ATP6V0B: variants seen among roughly 807,000 people sequenced by gnomAD.
The protein encoded by ATP6V0B is V-type proton ATPase 21 kDa proteolipid subunit c''.
In ATP6V0B, 4 loss-of-function variants were observed where a neutral mutation model predicts 26.2. That is an observed-to-expected ratio of 0.15 (90% confidence interval 0.08 to 0.35). The LOEUF is 0.35. ATP6V0B is among the 10% of genes least tolerant of loss of function. The pLI is 1.00. For missense variants in ATP6V0B, 175 were observed against 272.5 expected (o/e 0.64, Z 2.52); for synonymous variants, 110 against 105.8 (o/e 1.04, Z -0.24).
Position 43,976,108 on chromosome 1 carries a change from G to A in ATP6V0B, c.135G>A (p.Ser45=), listed in dbSNP as rs1379763709. 8 of 1,613,942 alleles carry A rather than the reference G, an allele frequency of 5.0e-6. No homozygotes were observed. Among genetic ancestry groups the A allele is most frequent in the African/African-American group, 4.0e-5 (3 of 74,888 alleles). ...FDVAWFLTET[S]PFMWSNLGIG... is the part of the protein sequence containing the mutation. The stretch of plus-strand genomic sequence containing the variant: ...ACAACAGGTTCCTGACGGAGACTTC[G>A]CCCTTCATGTGGTCCAACCTGGGCA... The change falls in exon 3 of 8, where the codon TCG becomes TCA. Residue 45 remains serine, a synonymous_variant. Transcript: ENST00000472174. The surrounding 1 kb of genome is among the most constrained non-coding windows in gnomAD (Gnocchi z 4.6).
chr1:43,977,677 C>T (rs2085537745), intron 7 of ATP6V0B: 1 of 1,426,822 alleles, frequency 7.0e-7, no homozygotes, highest in South Asian at 1.5e-5. Context: ...GTCTGTCTGA[C>T]AGTGTGTGAG....
At chr1:43,977,617 C>T (rs2154303022) in intron 7 of ATP6V0B, 1 of 1,419,340 alleles carries the variant, frequency 7.0e-7, no homozygotes, top group African/African-American at 1.4e-5. Context: ...GTGTATCTCC[C>T]TCTCACATGC....
intron 7 of ATP6V0B, chr1:43,977,473 C>G (rs1024391128): frequency 4.9e-6 from 7 of 1,431,524 alleles, no homozygotes; most frequent in Non-Finnish European, 6.4e-6. Context: ...ACTTAGTCCT[C>G]CCTCTTTCTG....
At chr1:43,977,304 CTACCTA>C (rs1162243817) in intron 7 of ATP6V0B, 88 bp downstream of exon 7, 1 of 1,609,764 alleles carries the variant, frequency 6.2e-7, no homozygotes, top group East Asian at 2.2e-5. Flanking sequence ...CTCTCCTTCT[CTACCTA>C]TAACTATAGA....
intron 7 of ATP6V0B, 139 bp downstream of exon 7, chr1:43,977,355 C>T (rs748726714): frequency 5.8e-5 from 90 of 1,552,144 alleles, no homozygotes; most frequent in Non-Finnish European, 7.6e-5. Context: ...TCATTTCCAT[C>T]TTCTGGTTTT....
intron 7 of ATP6V0B, chr1:43,977,749 T>G: frequency 6.9e-7 from 1 of 1,449,328 alleles, no homozygotes; most frequent in Non-Finnish European, 9.1e-7. Flanking sequence ...CTGAGTTGAT[T>G]CTTAGTGACT....
At chr1:43,975,393 C>T in intron 1 of ATP6V0B, 1 of 560,544 alleles carries the variant, frequency 1.8e-6, no homozygotes, top group Non-Finnish European at 3.2e-6. Context: ...TCCCCCCTTT[C>T]TTGCTCCTGA....
rs569887950 is a variant in ATP6V0B, at chr1:43,975,073, C to G, written c.33C>G (p.Val11=). The change falls in exon 1 of 8, where the codon GTC becomes GTG. Residue 11 remains valine (V), a synonymous_variant. Coordinates refer to ENST00000472174, the MANE Select transcript of ATP6V0B (RefSeq NM_004047.5). ...GGCTAGCACTGCTCTACTCCGGGGT[C>G]TTCGTGGCCTTCTGGGCCTGCGCGC... MTGLALLYSG[V]FVAFWACALA... The G allele has an allele frequency of 1.6e-4, 225 of 1,401,332 alleles. 4 individuals are homozygous for G. The South Asian group carries it at 3.3e-3, about 21-fold the overall frequency. The allele number at this position is 1,401,332 out of a possible 1,614,324, so 86.8% of individuals were successfully genotyped here.
intron 1 of ATP6V0B, 122 bp from the exon 2 acceptor site, chr1:43,975,678 T>TG: frequency 9.2e-7 from 1 of 1,085,466 alleles, no homozygotes; most frequent in Non-Finnish European, 1.4e-6. Context: ...TACTGTCACC[T>TG]GGGGGCAGCC....
At chr1:43,975,152 T>A in intron 1 of ATP6V0B, 45 bp downstream of exon 1, 1 of 1,406,598 alleles carries the variant, frequency 7.1e-7, no homozygotes, top group Non-Finnish European at 9.2e-7. Flanking sequence ...GCGGCCGAGC[T>A]GGCCGGGTCG....
Position 43,976,641 on chromosome 1 carries a change from C to A in ATP6V0B, c.330C>A (p.Val110=). 6.2e-7 allele frequency: 1 copy of A among 1,614,198 alleles called. No homozygotes were observed. Among genetic ancestry groups the A allele is most frequent in the South Asian group, 1.1e-5 (1 of 91,064 alleles). ...TCTACGGCATCATCATGGCAATTGTCATTAGCAACATGGCTGAGGTATGGA... is the reference window on the plus strand; with the variant it reads ...TCTACGGCATCATCATGGCAATTGTAATTAGCAACATGGCTGAGGTATGGA... The part of the protein sequence containing the change: ...VAIYGIIMAI[V]ISNMAEPFSA... The change falls in exon 5 of 8, where the codon GTC becomes GTA. Residue 110 remains valine (V), a synonymous_variant. Transcript: ENST00000472174. The surrounding 1 kb of genome is among the most constrained non-coding windows in gnomAD (Gnocchi z 4.6).
intron 1 of ATP6V0B, 79 bp downstream of exon 1, chr1:43,975,186 C>A: frequency 7.3e-7 from 1 of 1,376,868 alleles, no homozygotes; most frequent in Admixed American, 3.0e-5. Context: ...AAGTGGCCTG[C>A]GGGGAATACT....
intron 1 of ATP6V0B, 54 bp from the exon 2 acceptor site, chr1:43,975,746 A>C (rs1255921923): frequency 1.9e-6 from 3 of 1,586,076 alleles, no homozygotes; most frequent in South Asian, 2.3e-5. Context: ...TAGGTTGAAG[A>C]ACTTCTCTCT....
At chr1:43,977,904 A>G (rs528635093) in intron 7 of ATP6V0B, 77 bp from the exon 8 acceptor site, 12 of 1,613,948 alleles carry the variant, frequency 7.4e-6, no homozygotes, top group Non-Finnish European at 1.0e-5. Flanking sequence ...CATGTGCTAG[A>G]TGTCATCTTC....
In ATP6V0B at chr1:43,978,138, G is replaced by A. The variant is rs1301471634; in HGVS notation, c.*131G>A. On this transcript the variant is annotated 3_prime_UTR_variant, in exon 8 of 8. Coordinates refer to ENST00000472174, the MANE Select transcript of ATP6V0B (RefSeq NM_004047.5). Reference sequence around the variant, plus strand: ...CCTCCCTGCACTCCCCTCTTGCTGCGTGTTGATTTGGAGGCACTGCAGTCC... The same window carrying A: ...CCTCCCTGCACTCCCCTCTTGCTGCATGTTGATTTGGAGGCACTGCAGTCC... The A allele has an allele frequency of 7.3e-6, 10 of 1,363,500 alleles. No homozygotes were observed. The highest frequency in any genetic ancestry group is 3.5e-5 in the South Asian group (3 of 84,748). The allele number at this position is 1,363,500 out of a possible 1,614,324, so 84.5% of individuals were successfully genotyped here. A position where few individuals can be genotyped will look rare whatever the true frequency, so the allele number is the denominator to read the frequency against.
chr1:43,977,691 G>C, intron 7 of ATP6V0B: 2 of 1,427,668 alleles, frequency 1.4e-6, no homozygotes, highest in Non-Finnish European at 1.8e-6. Context: ...GTGTGAGTTT[G>C]TGACTAAGGA....
Position 43,976,599 on chromosome 1 carries a change from C to T in ATP6V0B, c.288C>T (p.Phe96=). ...TCTCTACCACTACCAGCATCATCTT[C>T]TGTGAGGCTGTGGCCATCTACGGCA... ...IKTKNLVSII[F]CEAVAIYGII... Residue 96 remains phenylalanine, a synonymous_variant, in exon 5 of 8, where the codon TTC becomes TTT. Transcript: ENST00000472174. This position sits in a 1 kb window ranked among gnomAD's most constrained non-coding sequence, Gnocchi z 4.6. 6.2e-7 allele frequency: 1 copy of T among 1,614,148 alleles called. No individual in the cohort carries two copies. The highest frequency in any genetic ancestry group is 1.1e-5 in the South Asian group (1 of 91,078).
Position 43,975,014 on chromosome 1 carries a change from G to T in ATP6V0B, c.-27G>T, listed in dbSNP as rs2085500819. The stretch of plus-strand genomic sequence containing the variant: ...ACGCGTTTGTAGCTCCGGCCCCGCC[G>T]TTCCGACCCCCGCCGCCGTCGCCGC... On this transcript the variant is annotated 5_prime_UTR_variant, in exon 1 of 8. Transcript: ENST00000472174. 1 of 1,262,258 alleles carries T rather than the reference G, an allele frequency of 7.9e-7. No individual in the cohort carries two copies. The highest frequency in any genetic ancestry group is 1.0e-6 in the Non-Finnish European group (1 of 1,000,606). 78.2% of individuals were successfully genotyped at this position (1,262,258 alleles called of 1,614,324 possible).
rs367597315 is a variant in ATP6V0B at position 43,977,007 on chromosome 1, C to G, written c.401-19C>G. The G allele has an allele frequency of 8.1e-6, 13 of 1,601,014 alleles. No individual in the cohort carries two copies. In the African/African-American group the frequency reaches 1.6e-4, roughly 20 times the overall value. ...CCATTCCTGGCTTAGCCTCACTGCA[C>G]CCCTCTCTATCCTCCCAGGCTACTC... On this transcript the variant is annotated intron_variant, in intron 6 of 7. Transcript: ENST00000472174.
Sources: gnomAD v4.1 joint callset for allele counts on GRCh38, gnomAD v4.1.1 for gene constraint, Gnocchi (gnomAD v3.1) non-coding constraint, MANE v1.5 for transcripts, NCBI Gene and HGNC (gene_info 2026-07-23, HGNC 2026-07-21) for gene names.